AGT: variants seen among roughly 807,000 people sequenced by gnomAD.
AGT encodes the protein alpha-1 antiproteinase, antitrypsin.
Under a neutral mutation model 28.1 loss-of-function variants are expected in AGT, and 26 were observed. The ratio of observed to expected loss-of-function variants is 0.92; its 90% CI spans 0.68 to 1.28. The LOEUF is 1.28. AGT is among the 50% of genes most tolerant of loss of function. AGT has a pLI of 0.00. For synonymous variants in AGT, 259 were observed against 259.6 expected (o/e 1.00, Z 0.02); for missense variants, 596 against 592.3 (o/e 1.01, Z -0.06).
chr1:230,710,991 G>C, intron 1 of AGT, 138 bp from the exon 2 acceptor site: 1 of 1,165,634 alleles, frequency 8.6e-7, no homozygotes, highest in Non-Finnish European at 1.2e-6. Context: ...ACAAAAAAAA[G>C]AAGAAATGGA....
At chr1:230,741,988 C>T (rs946762135) in intron 1 of AGT, among the ~76,000 whole-genome samples, 2 of 152,080 alleles carry the variant, frequency 1.3e-5, no homozygotes, top group East Asian at 3.9e-4. Context: ...CCCAGGAGTT[C>T]AAGCCTTCAG....
intron 1 of AGT, among the ~76,000 whole-genome samples, chr1:230,722,500 C>A (rs1395163417): frequency 6.6e-6 from 1 of 152,232 alleles, no homozygotes; most frequent in Middle Eastern, 3.2e-3. Context: ...CTGGAAAAGC[C>A]ACAGACACTC....
Position 230,710,171 on chromosome 1 carries a change from A to G in AGT, c.653T>C (p.Leu218Pro). 1 of 1,614,126 alleles carries G rather than the reference A, an allele frequency of 6.2e-7. No homozygotes were observed. Among genetic ancestry groups the G allele is most frequent in the Non-Finnish European group, 8.5e-7 (1 of 1,180,038 alleles). ...LHLKQPFVQG[L>P]ALYTPVVLPR... The stretch of plus-strand genomic sequence containing the variant: ...GAGGACCACAGGGGTATAGAGAGCC[A>G]GGCCCTGCACAAACGGCTGCTTCAG... Residue 218 changes from leucine to proline, a missense_variant, in exon 2 of 5, where the codon CTG becomes CCG. Leu to Pro is a moderately conservative substitution (Grantham distance 98). Transcript: ENST00000366667.
chr1:230,709,601 G>C (rs2102789991), intron 2 of AGT, among the ~76,000 whole-genome samples: 1 of 152,258 alleles, frequency 6.6e-6, no homozygotes, highest in South Asian at 2.1e-4. Context: ...TCTGAGTGTA[G>C]AACTGGGCTG....
At chr1:230,730,943 CAA>C (rs1343577769) in intron 1 of AGT, among the ~76,000 whole-genome samples, 1 of 152,144 alleles carries the variant, frequency 6.6e-6, no homozygotes, top group African/African-American at 2.4e-5. Flanking sequence ...TTGCTATTGC[CAA>C]GAGTAGTTAT....
At chr1:230,740,977 G>A (rs1006418621) in intron 1 of AGT, among the ~76,000 whole-genome samples, 22 of 152,070 alleles carry the variant, frequency 1.4e-4, no homozygotes, top group East Asian at 9.7e-4. Context: ...CCTAAACTGC[G>A]GAGAGTAAAT....
intron 1 of AGT, among the ~76,000 whole-genome samples, chr1:230,741,866 G>A (rs1383136602): frequency 6.6e-6 from 1 of 152,174 alleles, no homozygotes; most frequent in African/African-American, 2.4e-5. Context: ...ATCATTGTGG[G>A]CTTTAAGTTT....
At chr1:230,707,186 ATT>A (rs1487456357) in intron 2 of AGT, among the ~76,000 whole-genome samples, 2 of 152,168 alleles carry the variant, frequency 1.3e-5, no homozygotes, top group African/African-American at 2.4e-5. Context: ...AAGGACACAA[ATT>A]TGTGTGTGAC....
Position 230,735,002 on chromosome 1 carries a change from T to C in AGT, c.-31+10513A>G, listed in dbSNP as rs146987835. 1.1e-3 allele frequency among the ~76,000 whole-genome samples: 174 copies of C among 152,198 alleles called. No individual in the cohort carries two copies. The East Asian group carries it at 0.012, about 10-fold the overall frequency. ...GTGCTGGGATTACAGATGTGAGCCA[T>C]CGCGCCCGGCCATAACTGGCTGTGT... is the stretch of plus-strand genomic sequence containing the variant. On this transcript the variant is annotated intron_variant, in intron 1 of 4. Transcript: ENST00000681269.
rs1276502052 is a variant in AGT at position 230,703,175 on chromosome 1, AG to A, written c.1396del (p.Leu466TrpfsTer8). On this transcript the variant is annotated frameshift_variant, in exon 5 of 5. Transcript: ENST00000366667. LOFTEE classifies it high-confidence loss of function. ...GCTCAGCGGGTTGGCCACGCGGCCC[AG>A]GAAGTGCAGGGCAGTGGCGCTTTGA... Reference protein sequence around the residue: ...YDQSATALHFLGRVANPLSTA With the variant: ...YDQSATALHFXGRVANPLSTA 1 of 1,614,132 alleles carries A rather than the reference AG, an allele frequency of 6.2e-7. No individual in the cohort carries two copies. Among genetic ancestry groups the A allele is most frequent in the Admixed American group, 1.7e-5 (1 of 60,024 alleles).
Position 230,732,844 on chromosome 1 carries a change from A to G in AGT, c.-31+12671T>C, listed in dbSNP as rs546683621. 3.8e-4 allele frequency among the ~76,000 whole-genome samples: 58 copies of G among 152,326 alleles called. 1 individual carries two copies. Among genetic ancestry groups the G allele is most frequent in the African/African-American group, 1.3e-3 (55 of 41,576 alleles). On this transcript the variant is annotated intron_variant, in intron 1 of 4. Coordinates refer to the AGT transcript ENST00000681269. ...GGGTGGCAGAGGTGGAAGAAAATCC[A>G]AGAAGTGGCCCCACATAGTTCAGAT... is the stretch of plus-strand genomic sequence containing the variant.
At chr1:230,711,317 G>A (rs760488911) in intron 1 of AGT, among the ~76,000 whole-genome samples, 3 of 152,076 alleles carry the variant, frequency 2.0e-5, no homozygotes, top group African/African-American at 4.8e-5. Context: ...GAGAGAAGAC[G>A]GCCATCTACA....
chr1:230,710,287 CT>C lies in AGT; in HGVS notation c.536del (p.Gln179ArgfsTer4). The C allele has an allele frequency of 6.2e-7, 1 of 1,613,972 alleles. No individual in the cohort carries two copies. Among genetic ancestry groups the C allele is most frequent in the Non-Finnish European group, 8.5e-7 (1 of 1,180,026 alleles). ...HKVLSALQAV[Q>X]GLLVAQGRAD... is the part of the protein sequence containing the mutation. ...CCCTGCCCTGGGCCACTAGCAGGCC[CT>C]GTACAGCCTGCAGGGCAGACAGGAC... is the stretch of plus-strand genomic sequence containing the variant. On this transcript the variant is annotated frameshift_variant, in exon 2 of 5. Transcript: ENST00000366667. LOFTEE classifies it high-confidence loss of function.
In AGT at chr1:230,703,762, G is replaced by A. The variant is rs550217551; in HGVS notation, c.1242+431C>T. 4.6e-5 allele frequency among the ~76,000 whole-genome samples: 7 copies of A among 152,312 alleles called. No individual in the cohort carries two copies. In the East Asian group the frequency reaches 9.7e-4, roughly 21 times the overall value. On this transcript the variant is annotated intron_variant, in intron 4 of 4. Transcript: ENST00000366667. Reference sequence around the variant, plus strand: ...TGAGCACAGGGCCCAGAACATCAAGGCACATCCTTGGTAGCTGCAGATGTG... The same window carrying A: ...TGAGCACAGGGCCCAGAACATCAAGACACATCCTTGGTAGCTGCAGATGTG...
chr1:230,724,129 A>C (rs1308785902), intron 1 of AGT, among the ~76,000 whole-genome samples: 1 of 152,216 alleles, frequency 6.6e-6, no homozygotes, highest in Non-Finnish European at 1.5e-5. Context: ...TTAGTTTATG[A>C]ATAGTCCAGG....
chr1:230,731,762 G>A (rs936172817), intron 1 of AGT, among the ~76,000 whole-genome samples: 5 of 152,120 alleles, frequency 3.3e-5, no homozygotes, highest in African/African-American at 1.2e-4. Context: ...AGTTACTCAG[G>A]AGGCTGAGGA....
rs1188889363 is a variant in AGT, at chr1:230,710,394, G to A, written c.430C>T (p.His144Tyr). The A allele has an allele frequency of 6.2e-7, 1 of 1,614,108 alleles. No individual in the cohort carries two copies. The highest frequency in any genetic ancestry group is 8.5e-7 in the Non-Finnish European group (1 of 1,180,040). ...ATTGCCTGTAGCCTGTCAGCTGTGT[G>A]GTCCAAGGCTCCCAGATAGAGAGAG... ...LASLYLGALDHTADRLQAILG... is the reference protein window; with the variant it reads ...LASLYLGALDYTADRLQAILG... Residue 144 changes from histidine to tyrosine, a missense_variant, in exon 2 of 5, where the codon CAC becomes TAC. Physicochemically the swap from His to Tyr is moderately conservative, Grantham distance 83 (BLOSUM62 2). Coordinates refer to ENST00000366667, the MANE Select transcript of AGT (RefSeq NM_001384479.1).
chr1:230,740,159 C>T (rs1392614060), intron 1 of AGT, among the ~76,000 whole-genome samples: 1 of 152,168 alleles, frequency 6.6e-6, no homozygotes, highest in Non-Finnish European at 1.5e-5. Context: ...CATTTGTAAA[C>T]TGTCATGATG....
At chr1:230,735,021 GCTGTGTTTATCCCTGGAGGAGAGGGT>G (rs1256900264) in intron 1 of AGT, among the ~76,000 whole-genome samples, 3 of 152,086 alleles carry the variant, frequency 2.0e-5, no homozygotes, top group East Asian at 1.9e-4. Flanking sequence ...GCCATAACTG[GCTGTGTTTATCCCTGGAGGAGAGGGT>G]CTGTGTCTAT....
Sources: allele counts gnomAD v4.1 joint callset (sites outside exome capture counted in the v4.1 genomes callset), GRCh38; gene constraint gnomAD v4.1.1; transcripts MANE v1.5; gene names NCBI Gene and HGNC (gene_info 2026-07-23, HGNC 2026-07-21).